PDXDC1: variants seen among roughly 807,000 people sequenced by gnomAD.
The protein encoded by PDXDC1 is pyridoxal dependent decarboxylase domain containing 1.
PDXDC1 carries 42 observed loss-of-function variants against 100.1 expected under a neutral mutation model. The observed-to-expected ratio is 0.42, with a 90% CI of 0.33 to 0.54. The LOEUF (loss-of-function observed/expected upper bound fraction) is 0.54, where lower values mean the gene tolerates loss of function less well. PDXDC1 is among the 20% of genes least tolerant of loss of function. PDXDC1 has a pLI of 0.10. For synonymous variants in PDXDC1, 260 were observed against 371.7 expected, an observed-to-expected ratio of 0.70 and a Z score of 3.46; for missense variants, 636 against 979.2, an observed-to-expected ratio of 0.65 and a Z score of 4.68.
At chr16:15,008,328 C>T (rs2040959393) in intron 6 of PDXDC1, among the ~76,000 whole-genome samples, 1 of 152,278 alleles carries the variant, frequency 6.6e-6, no homozygotes, top group Non-Finnish European at 1.5e-5. Context: ...GAGAAATGTG[C>T]ATCTGCTAAT....
intron 16 of PDXDC1, chr16:15,133,164 G>A (rs957214325): frequency 5.9e-5 from 51 of 866,630 alleles, no homozygotes; most frequent in Non-Finnish European, 9.0e-5. Flanking sequence ...TATCTCTGGG[G>A]CCCGGGATAA....
intron 16 of PDXDC1, chr16:15,092,363 G>A (rs1032660855): frequency 1.5e-6 from 1 of 646,424 alleles, no homozygotes; most frequent in African/African-American, 1.8e-5. Flanking sequence ...CTCTAATTTT[G>A]CACTGACGGC....
At chr16:15,140,017 A>C (rs2048440279), downstream of PDXDC1, among the ~76,000 whole-genome samples, 1 of 144,014 alleles carries the variant, frequency 6.9e-6, no homozygotes, top group African/African-American at 2.5e-5. Flanking sequence ...GAATCACGTG[A>C]ACCCGGGAGG....
chr16:15,131,576 G>A (rs565034294), intron 16 of PDXDC1: 42 of 1,606,920 alleles, frequency 2.6e-5, no homozygotes, highest in African/African-American at 1.4e-4. Context: ...ACGCGGGAGC[G>A]CGTGAGGATG....
chr16:15,094,621 G>A (rs2046286598), intron 16 of PDXDC1: 1 of 286,250 alleles, frequency 3.5e-6, no homozygotes, highest in Non-Finnish European at 6.7e-6. Context: ...GACTGACCCA[G>A]ATCTTCACGG....
At chr16:15,021,139 G>T (rs2042172390) in intron 12 of PDXDC1, among the ~76,000 whole-genome samples, 1 of 152,292 alleles carries the variant, frequency 6.6e-6, no homozygotes, top group Non-Finnish European at 1.5e-5. Context: ...CACTTTGGGA[G>T]GCCAAGGCAG....
chr16:15,004,106 A>G (rs1387963660), intron 4 of PDXDC1, 81 bp from the exon 5 acceptor site: 3 of 1,309,754 alleles, frequency 2.3e-6, no homozygotes, highest in African/African-American at 3.0e-5. Context: ...AGTCTGACAG[A>G]TATTTCTGTG....
chr16:15,003,164 G>C (rs1288153599), intron 4 of PDXDC1, among the ~76,000 whole-genome samples: 1 of 150,630 alleles, frequency 6.6e-6, no homozygotes, highest in East Asian at 2.0e-4. Flanking sequence ...TGAATTTGCT[G>C]TATTATTGCA....
chr16:15,110,935 C>T, intron 16 of PDXDC1: 1 of 829,860 alleles, frequency 1.2e-6, no homozygotes, highest in Non-Finnish European at 1.9e-6. Flanking sequence ...TCAAGACCAG[C>T]CTGGCCAAGA....
chr16:14,983,321 T>C (rs1353169864), intron 1 of PDXDC1, among the ~76,000 whole-genome samples: 1 of 152,258 alleles, frequency 6.6e-6, no homozygotes, highest in African/African-American at 2.4e-5. Context: ...GCCTGTAATC[T>C]CATCACTTTG....
intron 1 of PDXDC1, among the ~76,000 whole-genome samples, chr16:14,992,459 G>A (rs1376147539): frequency 5.3e-5 from 8 of 152,282 alleles, no homozygotes; most frequent in Middle Eastern, 3.2e-3. Context: ...AGTGAGGATC[G>A]TCAGGAGCAT....
At chr16:15,057,362 C>T (rs2044562982) in intron 16 of PDXDC1, among the ~76,000 whole-genome samples, 1 of 152,174 alleles carries the variant, frequency 6.6e-6, no homozygotes, top group African/African-American at 2.4e-5. Flanking sequence ...ACTATCAACA[C>T]CTCATTTGTC....
chr16:15,001,677 A>G, intron 3 of PDXDC1, 99 bp from the exon 4 acceptor site: 1 of 1,047,284 alleles, frequency 9.5e-7, no homozygotes, highest in Non-Finnish European at 1.4e-6. Flanking sequence ...AAAGAAAAAA[A>G]AAACTTGAAG....
At chr16:14,983,799 G>A (rs1057344083) in intron 1 of PDXDC1, among the ~76,000 whole-genome samples, 1 of 152,268 alleles carries the variant, frequency 6.6e-6, no homozygotes. Flanking sequence ...ACAACAAATA[G>A]ACCCATTTTA....
chr16:15,058,492 C>T (rs1022830978), intron 16 of PDXDC1, among the ~76,000 whole-genome samples: 1 of 152,022 alleles, frequency 6.6e-6, no homozygotes, highest in African/African-American at 2.4e-5. Flanking sequence ...TTTGGGAGGC[C>T]GAGGCGGACA....
At position 15,103,074 on chromosome 16, in the gene PDXDC1, G is replaced by C. The variant is rs372575612; in HGVS notation, c.1400-35805G>C. ...CGTGAGCTATGATTGTGCCTCTGCA[G>C]TCCAGCCTGGGCGACAGAGAAAGAC... On this transcript the variant is annotated intron_variant, in intron 16 of 16. Coordinates refer to the PDXDC1 transcript ENST00000535621. 2,470 of 416,072 alleles carry C rather than the reference G, an allele frequency of 5.9e-3. 57 individuals are homozygous for C. The East Asian group carries it at 0.1, about 17-fold the overall frequency. The allele number at this position is 416,072 out of a possible 1,614,324, so 25.8% of individuals were successfully genotyped here. A position where few individuals can be genotyped will look rare whatever the true frequency, so the allele number is the denominator to read the frequency against.
chr16:15,145,274 G>A, the PDXDC1 span, among the ~76,000 whole-genome samples: 3 of 152,348 alleles, frequency 2.0e-5, no homozygotes, highest in Non-Finnish European at 4.4e-5. Context: ...CGGGGCAGCC[G>A]GAATCCCATC....
In PDXDC1 at chr16:15,102,452, G is replaced by T. The variant is rs986778957; in HGVS notation, c.1400-36427G>T. ...CAGACATGAAGTTGCCCCAGGCAGA[G>T]GGTACAGTGTGGGCAAAGTCAGGAA... On this transcript the variant is annotated intron_variant, in intron 16 of 16. Transcript: ENST00000535621. Among the ~76,000 whole-genome samples the T allele has an allele frequency of 1.0e-4, 15 of 150,706 alleles. No homozygotes were observed. In the South Asian group the frequency reaches 2.1e-3, roughly 21 times the overall value.
chr16:15,019,918 C>A (rs917705379), intron 12 of PDXDC1, among the ~76,000 whole-genome samples: 3 of 152,254 alleles, frequency 2.0e-5, no homozygotes, highest in African/African-American at 7.2e-5. Context: ...CAAGACCATC[C>A]TGGCTAACAC....
Sources: allele counts gnomAD v4.1 joint callset (sites outside exome capture counted in the v4.1 genomes callset), GRCh38; gene constraint gnomAD v4.1.1; transcripts MANE v1.5; gene names NCBI Gene and HGNC (gene_info 2026-07-23, HGNC 2026-07-21).